SNX29: variants seen among roughly 807,000 people sequenced by gnomAD.
The protein encoded by SNX29 is sorting nexin 29, also known as sorting nexin-29.
A neutral mutation model predicts 102.1 loss-of-function variants in SNX29; 78 were observed. That is an observed-to-expected ratio of 0.76 (90% CI 0.64 to 0.92). The LOEUF is 0.92. Among genes scored for constraint, SNX29 ranks in the 40% least tolerant of loss-of-function variants. SNX29 has a pLI of 0.00. For missense variants in SNX29, 1,280 were observed against 1,061.7 expected (o/e 1.21, Z -2.86); for synonymous variants, 580 against 414.5 (o/e 1.40, Z -4.85).
At chr16:12,397,036 C>T (rs1269482453) in intron 16 of SNX29, among the ~76,000 whole-genome samples, 4 of 152,238 alleles carry the variant, frequency 2.6e-5, no homozygotes, top group African/African-American at 4.8e-5. Context: ...CAGGCTTCTG[C>T]CGCCATGCCT....
chr16:12,035,086 T>A lies in SNX29; in HGVS notation c.247+7642T>A, dbSNP rs142281262. Among the ~76,000 whole-genome samples the A allele has an allele frequency of 2.9e-3, 442 of 152,160 alleles. 9 individuals carry two copies. The East Asian group carries it at 0.063, about 22-fold the overall frequency. On this transcript the variant is annotated intron_variant, in intron 4 of 20. Coordinates refer to ENST00000566228, the MANE Select transcript of SNX29 (RefSeq NM_032167.5). ...TTAGATCACAGTTATCCAGCCTGAGTTCCGTGGGTCCTTTGCTTTGCTCCT... is the reference window on the plus strand; with the variant it reads ...TTAGATCACAGTTATCCAGCCTGAGATCCGTGGGTCCTTTGCTTTGCTCCT...
chr16:12,461,850 G>A (rs2086787374), intron 18 of SNX29, among the ~76,000 whole-genome samples: 1 of 149,432 alleles, frequency 6.7e-6, no homozygotes, highest in African/African-American at 2.5e-5. Flanking sequence ...CAGCTACTGT[G>A]GAGGCTGAGG....
chr16:12,215,392 A>C (rs1429913102), intron 14 of SNX29, among the ~76,000 whole-genome samples: 1 of 151,914 alleles, frequency 6.6e-6, no homozygotes, highest in East Asian at 1.9e-4. Context: ...ACTCTATGTA[A>C]GTATTAGATT....
At chr16:12,549,245 C>T (rs1237454112) in intron 20 of SNX29, among the ~76,000 whole-genome samples, 2 of 152,196 alleles carry the variant, frequency 1.3e-5, no homozygotes, top group East Asian at 3.9e-4. Context: ...CCTGTAATCC[C>T]AGCACTTTGG....
chr16:12,278,165 C>T (rs2079315092), intron 15 of SNX29, 129 bp downstream of exon 15: 3 of 699,268 alleles, frequency 4.3e-6, no homozygotes, highest in East Asian at 5.5e-5. Flanking sequence ...CCCCACAAAA[C>T]AAAGCAAGAC....
intron 14 of SNX29, 99 bp downstream of exon 14, chr16:12,199,782 T>C (rs2076868610): frequency 2.0e-6 from 2 of 976,636 alleles, no homozygotes; most frequent in Admixed American, 2.2e-5. Flanking sequence ...CGAGTGCATA[T>C]GTGGATGGAT....
chr16:12,562,263 T>G (rs1192627677), intron 20 of SNX29, among the ~76,000 whole-genome samples: 2 of 152,048 alleles, frequency 1.3e-5, no homozygotes, highest in Admixed American at 1.3e-4. Flanking sequence ...CTAAGCAGCA[T>G]CCCCATGGGC....
intron 4 of SNX29, chr16:12,029,730 T>A (rs1165507185): frequency 2.0e-5 from 8 of 401,746 alleles, no homozygotes; most frequent in African/African-American, 1.5e-4. Flanking sequence ...TAGCTGGGAC[T>A]ATAGGTGTGT....
intron 20 of SNX29, among the ~76,000 whole-genome samples, chr16:12,540,592 G>A (rs2077287728): frequency 6.6e-6 from 1 of 152,104 alleles, no homozygotes; most frequent in Non-Finnish European, 1.5e-5. Context: ...AATTACTCTG[G>A]GACCCTGAGA....
chr16:12,097,836 G>A (rs1010386843), intron 11 of SNX29, among the ~76,000 whole-genome samples: 1 of 152,220 alleles, frequency 6.6e-6, no homozygotes, highest in Admixed American at 6.5e-5. Flanking sequence ...AGCTTTGTTT[G>A]AGCTGGGACA....
intron 20 of SNX29, among the ~76,000 whole-genome samples, chr16:12,544,326 G>A (rs570499158): frequency 2.6e-5 from 4 of 152,066 alleles, no homozygotes; most frequent in Non-Finnish European, 2.9e-5. Flanking sequence ...CCAAAGTCAT[G>A]AGGCAGGAAA....
chr16:12,203,101 C>T (rs2076954353), intron 14 of SNX29, among the ~76,000 whole-genome samples: 1 of 149,562 alleles, frequency 6.7e-6, no homozygotes, highest in African/African-American at 2.5e-5. Flanking sequence ...TAGTGTGGCC[C>T]CATTCTCAGG....
intron 13 of SNX29, among the ~76,000 whole-genome samples, chr16:12,138,051 C>G (rs953672729): frequency 6.6e-6 from 1 of 152,122 alleles, no homozygotes; most frequent in African/African-American, 2.4e-5. Flanking sequence ...GCAATGTCTG[C>G]CATGCCCATG....
intron 16 of SNX29, chr16:12,367,236 A>G (rs920163546): frequency 1.2e-4 from 19 of 152,230 alleles, no homozygotes; most frequent in African/African-American, 4.3e-4. Flanking sequence ...TGAGACAGAG[A>G]CTGTTGTCTT....
chr16:12,565,746 T>A (rs1251331856), intron 20 of SNX29, among the ~76,000 whole-genome samples: 1 of 152,182 alleles, frequency 6.6e-6, no homozygotes. Context: ...CCCCTCCCCA[T>A]GGGCCTGCCA....
chr16:12,057,670 T>G lies in SNX29; in HGVS notation c.1125-3858T>G, dbSNP rs545320553. 3.3e-5 allele frequency among the ~76,000 whole-genome samples: 5 copies of G among 152,150 alleles called. No homozygotes were observed. In the South Asian group the frequency reaches 1.0e-3, roughly 32 times the overall value. ...TAAATGTGCAGCCACAGGGGGACGG[T>G]TAACAGCAGAAGATTTTATAGTTTA... is the stretch of plus-strand genomic sequence containing the variant. On this transcript the variant is annotated intron_variant, in intron 8 of 20. Transcript: ENST00000566228.
At chr16:12,395,381 C>G (rs1027376309) in intron 16 of SNX29, among the ~76,000 whole-genome samples, 12 of 152,232 alleles carry the variant, frequency 7.9e-5, no homozygotes, top group Non-Finnish European at 1.5e-4. Context: ...AACTTCTTTG[C>G]TGATGCAGCC....
intron 14 of SNX29, among the ~76,000 whole-genome samples, chr16:12,210,666 A>G (rs1468178406): frequency 6.6e-6 from 1 of 151,490 alleles, no homozygotes; most frequent in Non-Finnish European, 1.5e-5. Flanking sequence ...TTCCAGCTGC[A>G]TCCTTGCTTC....
Position 12,332,482 on chromosome 16 carries a change from C to T in SNX29, c.1783-23681C>T, listed in dbSNP as rs187317186. ...TTAAAAATGTGTTACTCTCTTTGTG[C>T]GCCTTTTGCCTGTTAAAGTGATGAC... On this transcript the variant is annotated intron_variant, in intron 15 of 20. Coordinates refer to ENST00000566228, the MANE Select transcript of SNX29 (RefSeq NM_032167.5). 1.4e-4 allele frequency among the ~76,000 whole-genome samples: 22 copies of T among 152,090 alleles called. No individual in the cohort carries two copies. The East Asian group carries it at 1.9e-3, about 13-fold the overall frequency.
Sources: gnomAD v4.1 joint callset for allele counts (sites outside exome capture counted in the v4.1 genomes callset) on GRCh38, gnomAD v4.1.1 for gene constraint, MANE v1.5 for transcripts, NCBI Gene and HGNC (gene_info 2026-07-23, HGNC 2026-07-21) for gene names.